Variants in CNTNAP2 observed in about 807,000 individuals in gnomAD.
The protein encoded by CNTNAP2 is contactin-associated protein-like 2.
A neutral mutation model predicts 155.2 loss-of-function variants in CNTNAP2; 98 were observed. That is an observed-to-expected ratio of 0.63 (90% CI 0.54 to 0.75). CNTNAP2 has a LOEUF of 0.75. CNTNAP2 is among the 30% of genes least tolerant of loss of function. The pLI is 0.00. For missense variants in CNTNAP2, 1,727 were observed against 1,688.1 expected (o/e 1.02, Z -0.40); for synonymous variants, 651 against 631.2 (o/e 1.03, Z -0.47).
intron 11 of CNTNAP2, among the ~76,000 whole-genome samples, chr7:147,488,785 CTT>C (rs1400849051): frequency 6.6e-6 from 1 of 152,070 alleles, no homozygotes; most frequent in Non-Finnish European, 1.5e-5. Flanking sequence ...TTGACTTTGA[CTT>C]TACCATTTTC....
chr7:147,208,650 T>C (rs1298593101), intron 8 of CNTNAP2, among the ~76,000 whole-genome samples: 1 of 152,036 alleles, frequency 6.6e-6, no homozygotes, highest in Non-Finnish European at 1.5e-5. Flanking sequence ...TTCTAACCAT[T>C]TTATAATAGT....
chr7:147,346,690 T>G (rs2116869760), intron 9 of CNTNAP2, among the ~76,000 whole-genome samples: 1 of 152,308 alleles, frequency 6.6e-6, no homozygotes, highest in African/African-American at 2.4e-5. Flanking sequence ...CTACCACAAT[T>G]TACACAGCAA....
rs1237741301 is a variant in CNTNAP2, at chr7:146,474,259, T to A, written c.98-300012T>A. On this transcript the variant is annotated intron_variant, in intron 1 of 23. Coordinates refer to ENST00000361727, the MANE Select transcript of CNTNAP2 (RefSeq NM_014141.6). ...CTTTTCCAAATAAACTATTTGTTTC[T>A]GAATATTTATATATATATTTCATTT... Among the ~76,000 whole-genome samples the A allele has an allele frequency of 6.7e-5, 10 of 149,616 alleles. No homozygotes were observed. In the East Asian group the frequency reaches 1.9e-3, roughly 29 times the overall value.
intron 1 of CNTNAP2, among the ~76,000 whole-genome samples, chr7:146,541,870 G>T (rs1797958284): frequency 6.6e-6 from 1 of 151,916 alleles, no homozygotes; most frequent in East Asian, 1.9e-4. Context: ...GTTCTTGAAT[G>T]ATTTATTGCC....
chr7:148,248,097 C>G (rs979937256), intron 20 of CNTNAP2, among the ~76,000 whole-genome samples: 11 of 152,236 alleles, frequency 7.2e-5, no homozygotes, highest in African/African-American at 2.2e-4. Context: ...TTCTAATATC[C>G]CAGAAGGTTC....
chr7:147,452,450 T>C (rs1241248747), intron 10 of CNTNAP2, among the ~76,000 whole-genome samples: 3 of 152,182 alleles, frequency 2.0e-5, no homozygotes, highest in Non-Finnish European at 4.4e-5. Context: ...TGTTAGTAAA[T>C]GATTTCTAAA....
At chr7:146,533,652 A>T (rs964656441) in intron 1 of CNTNAP2, among the ~76,000 whole-genome samples, 1 of 152,124 alleles carries the variant, frequency 6.6e-6, no homozygotes, top group African/African-American at 2.4e-5. Context: ...CTTGAAATAA[A>T]AATAAGATAA....
At chr7:147,339,110 A>G (rs887099438) in intron 9 of CNTNAP2, among the ~76,000 whole-genome samples, 1 of 152,118 alleles carries the variant, frequency 6.6e-6, no homozygotes, top group Non-Finnish European at 1.5e-5. Flanking sequence ...TTGAATTCAC[A>G]TTCATTGTTT....
chr7:146,138,711 T>C (rs1797833519), intron 1 of CNTNAP2, among the ~76,000 whole-genome samples: 1 of 152,090 alleles, frequency 6.6e-6, no homozygotes, highest in African/African-American at 2.4e-5. Context: ...TTTTATTTAG[T>C]TGATATCATG....
chr7:147,724,129 T>C (rs986444897), intron 13 of CNTNAP2, among the ~76,000 whole-genome samples: 2 of 152,020 alleles, frequency 1.3e-5, no homozygotes, highest in African/African-American at 4.8e-5. Context: ...TACCACAGTC[T>C]TAGAAATCAT....
At chr7:147,852,286 T>C (rs2110308) in intron 13 of CNTNAP2, among the ~76,000 whole-genome samples, 6,727 of 152,246 alleles carry the variant, frequency 0.044, 267 homozygotes, top group Admixed American at 0.12. Context: ...TTTCTTTCCA[T>C]CCACTCTTCC....
rs1356329304 is a variant in CNTNAP2 at position 147,599,195 on chromosome 7, G to T, written c.1897+36938G>T. ...GAGTGATAGATTAAAATGTACCATT[G>T]GTCAAGAGCAGTAGCTCACACCTGT... On this transcript the variant is annotated intron_variant, in intron 12 of 23. Transcript: ENST00000361727. Among the ~76,000 whole-genome samples the T allele has an allele frequency of 3.9e-5, 6 of 152,018 alleles. No individual in the cohort carries two copies. The East Asian group carries it at 1.2e-3, about 29-fold the overall frequency.
intron 12 of CNTNAP2, among the ~76,000 whole-genome samples, chr7:147,595,283 A>G (rs765030686): frequency 2.0e-5 from 3 of 152,168 alleles, no homozygotes; most frequent in Non-Finnish European, 4.4e-5. Context: ...TCATGTCTAG[A>G]TTTAGTAGCC....
At chr7:147,769,877 G>A (rs1409947483) in intron 13 of CNTNAP2, among the ~76,000 whole-genome samples, 1 of 152,104 alleles carries the variant, frequency 6.6e-6, no homozygotes, top group Non-Finnish European at 1.5e-5. Context: ...GATGATGATC[G>A]TAACCAATTT....
At position 146,871,181 on chromosome 7, in the gene CNTNAP2, T is replaced by G. The variant is rs1175496072; in HGVS notation, c.402+31277T>G. On this transcript the variant is annotated intron_variant, in intron 3 of 23. Transcript: ENST00000361727. ...TTATGCTTGAAAATATCAGAAATAT[T>G]AAACAGGCACATCTAGGGGCATTTA... is the stretch of plus-strand genomic sequence containing the variant. Among the ~76,000 whole-genome samples, 4 of 152,146 alleles carry G rather than the reference T, an allele frequency of 2.6e-5. No individual in the cohort carries two copies. The South Asian group carries it at 6.2e-4, about 24-fold the overall frequency.
intron 10 of CNTNAP2, among the ~76,000 whole-genome samples, chr7:147,461,867 A>G (rs1269901613): frequency 6.6e-6 from 1 of 152,244 alleles, no homozygotes; most frequent in African/African-American, 2.4e-5. Flanking sequence ...CGAAAATAGC[A>G]GCATTTAAGT....
At chr7:147,038,162 T>C (rs1799193661) in intron 3 of CNTNAP2, among the ~76,000 whole-genome samples, 1 of 152,048 alleles carries the variant, frequency 6.6e-6, no homozygotes, top group African/African-American at 2.4e-5. Context: ...TCTCTAAAAA[T>C]AAAATATAAC....
chr7:148,132,409 A>G (rs1441694281), intron 16 of CNTNAP2, among the ~76,000 whole-genome samples: 3 of 143,784 alleles, frequency 2.1e-5, no homozygotes, highest in East Asian at 4.0e-4. Flanking sequence ...TAGTTTAGGT[A>G]CTTCTCAATT....
chr7:146,517,569 G>A (rs1290648310), intron 1 of CNTNAP2, among the ~76,000 whole-genome samples: 1 of 151,958 alleles, frequency 6.6e-6, no homozygotes, highest in East Asian at 1.9e-4. Flanking sequence ...AGATCATGGA[G>A]AGACTCAGGG....
Sources: allele counts gnomAD v4.1 joint callset (sites outside exome capture counted in the v4.1 genomes callset), GRCh38; gene constraint gnomAD v4.1.1; transcripts MANE v1.5; gene names NCBI Gene and HGNC (gene_info 2026-07-23, HGNC 2026-07-21).